SLC38A8: variants seen among roughly 807,000 people sequenced by gnomAD.
SLC38A8 encodes the protein amino acid transporter SLC38A8.
A neutral mutation model predicts 46.0 loss-of-function variants in SLC38A8; 65 were observed. That is an observed-to-expected ratio of 1.41 (90% CI 1.16 to 1.74). The LOEUF (loss-of-function observed/expected upper bound fraction) is 1.74, where lower values mean the gene tolerates loss of function less well. Ranked by LOEUF, SLC38A8 falls within the 40% of genes most tolerant of loss-of-function variation. The pLI, the probability that SLC38A8 is intolerant of heterozygous loss-of-function variation, is 0.00. For synonymous variants in SLC38A8, 447 were observed against 243.7 expected (o/e 1.83, Z -7.77); for missense variants, 998 against 567.9 (o/e 1.76, Z -7.70).
chr16:84,038,842 T>G (rs973198935), intron 2 of SLC38A8, among the ~76,000 whole-genome samples: 1 of 152,216 alleles, frequency 6.6e-6, no homozygotes, highest in African/African-American at 2.4e-5. Flanking sequence ...CACAGGCAGC[T>G]TGCTTCTGTT....
At position 84,012,989 on chromosome 16, in the gene SLC38A8, A is replaced by G. The variant is rs1403394056; in HGVS notation, c.1214+12T>C. 6.2e-7 allele frequency: 1 copy of G among 1,614,046 alleles called. No homozygotes were observed. The highest frequency in any genetic ancestry group is 2.2e-5 in the East Asian group (1 of 44,882). On this transcript the variant is annotated intron_variant, in intron 10 of 10. Transcript: ENST00000299709. ...CACACCCAGGGTGCCACCTCATCTT[A>G]GGGACACTTACTTGACTCTTGGTCC...
intron 6 of SLC38A8, among the ~76,000 whole-genome samples, chr16:84,028,343 G>C (rs1482175566): frequency 6.6e-6 from 1 of 152,088 alleles, no homozygotes; most frequent in Non-Finnish European, 1.5e-5. Context: ...CACTGTGGGA[G>C]GCCGAGGAGG....
At chr16:84,034,364 T>C (rs1271334224) in intron 3 of SLC38A8, among the ~76,000 whole-genome samples, 1 of 152,208 alleles carries the variant, frequency 6.6e-6, no homozygotes, top group Non-Finnish European at 1.5e-5. Flanking sequence ...CACCAAAGAA[T>C]GTGGGGCCAT....
chr16:84,036,950 C>A (rs1000439772), intron 2 of SLC38A8, 50 bp from the exon 3 acceptor site: 3 of 1,518,626 alleles, frequency 2.0e-6, no homozygotes, highest in Admixed American at 3.9e-5. Flanking sequence ...ACAGCCCACC[C>A]ACCCCCAGCC....
intron 2 of SLC38A8, among the ~76,000 whole-genome samples, chr16:84,037,931 C>A (rs2085320270): frequency 6.6e-6 from 1 of 151,378 alleles, no homozygotes; most frequent in South Asian, 2.1e-4. Context: ...GCCTCAACCT[C>A]CCGAGTATCT....
Position 84,033,268 on chromosome 16 carries a change from A to T in SLC38A8, c.530+60T>A, listed in dbSNP as rs796633213. On this transcript the variant is annotated intron_variant, in intron 4 of 10. Transcript: ENST00000299709. Reference sequence around the variant, plus strand: ...CTCCTCTGACCCCAGATGGACAGAAACCCTGACACAAACACTCAGCAAGGT... The same window carrying T: ...CTCCTCTGACCCCAGATGGACAGAATCCCTGACACAAACACTCAGCAAGGT... The T allele has an allele frequency of 6.3e-5, 102 of 1,610,610 alleles. 1 individual carries two copies. In the African/African-American group the frequency reaches 1.2e-3, roughly 19 times the overall value.
chr16:84,014,936 TGTTTC>T (rs59398483), intron 9 of SLC38A8, among the ~76,000 whole-genome samples: 10,969 of 152,120 alleles, frequency 0.072, 1,296 homozygotes, highest in African/African-American at 0.25. Flanking sequence ...CCCTGAACAA[TGTTTC>T]GTTTCATGCC....
At chr16:84,037,711 A>G (rs913784217) in intron 2 of SLC38A8, among the ~76,000 whole-genome samples, 24 of 151,882 alleles carry the variant, frequency 1.6e-4, no homozygotes, top group African/African-American at 5.8e-4. Flanking sequence ...CAGTGAGCCA[A>G]AATTGTACCT....
chr16:84,015,223 C>A (rs1041657234), intron 9 of SLC38A8, among the ~76,000 whole-genome samples: 2 of 152,120 alleles, frequency 1.3e-5, no homozygotes, highest in Non-Finnish European at 2.9e-5. Flanking sequence ...CCCCCCACTG[C>A]GGATCTGGAG....
rs886775410 is a variant in SLC38A8, at chr16:84,016,627, T to C, written c.1054A>G (p.Ile352Val). Residue 352 changes from isoleucine (I) to valine (V), a missense_variant, in exon 9 of 11, where the codon ATC (isoleucine) becomes GTC (valine). Transcript: ENST00000299709. ...SGLWVRMPLT[I>V]LWVTVTLAMA... ...GCGAGCGTCACGGTGACCCACAGGA[T>C]GGTCAGCGGCATCCGGACCCACAGC... 3.1e-6 allele frequency: 5 copies of C among 1,613,742 alleles called. No homozygotes were observed. The highest frequency in any genetic ancestry group is 3.4e-6 in the Non-Finnish European group (4 of 1,180,034).
intron 7 of SLC38A8, 150 bp downstream of exon 7, chr16:84,022,625 T>TA: frequency 6.4e-6 from 4 of 627,792 alleles, no homozygotes; most frequent in Middle Eastern, 5.8e-4. Context: ...ATGAGGCCTT[T>TA]TCCTATGCAC....
intron 7 of SLC38A8, among the ~76,000 whole-genome samples, chr16:84,020,951 T>G (rs75027332): frequency 0.049 from 7,533 of 152,260 alleles, 263 homozygotes; most frequent in Middle Eastern, 0.1. Flanking sequence ...CATCTTCAAG[T>G]CATTTTTTGC....
At chr16:84,019,257 G>A (rs1385299715) in intron 7 of SLC38A8, among the ~76,000 whole-genome samples, 1 of 151,896 alleles carries the variant, frequency 6.6e-6, no homozygotes, top group Non-Finnish European at 1.5e-5. Flanking sequence ...TCTGTTTTTA[G>A]TAGAAACGGG....
At chr16:84,013,427 T>G (rs1362032581) in intron 9 of SLC38A8, among the ~76,000 whole-genome samples, 1 of 96,916 alleles carries the variant, frequency 1.0e-5, no homozygotes, top group Non-Finnish European at 1.9e-5. Context: ...TGTGTGTGTT[T>G]TTTTTTTTTT....
intron 5 of SLC38A8, among the ~76,000 whole-genome samples, chr16:84,030,554 A>G (rs529194388): frequency 6.6e-6 from 1 of 151,960 alleles, no homozygotes; most frequent in East Asian, 1.9e-4. Context: ...GGTCGGCTCT[A>G]CCTTGACTGT....
At chr16:84,032,090 C>CA (rs2151125091) in intron 4 of SLC38A8, 122 bp from the exon 5 acceptor site, 4 of 816,320 alleles carry the variant, frequency 4.9e-6, no homozygotes, top group Non-Finnish European at 8.1e-6. Context: ...CCAAGCTGTC[C>CA]ACCTCTGCCT....
intron 6 of SLC38A8, among the ~76,000 whole-genome samples, chr16:84,023,989 C>G (rs891312050): frequency 6.6e-6 from 1 of 152,198 alleles, no homozygotes; most frequent in African/African-American, 2.4e-5. Context: ...GTTTCTCAGC[C>G]TTGACACGAT....
At chr16:84,028,474 A>C (rs2085192783) in intron 6 of SLC38A8, among the ~76,000 whole-genome samples, 1 of 151,430 alleles carries the variant, frequency 6.6e-6, no homozygotes, top group Non-Finnish European at 1.5e-5. Context: ...AGTCCCAGCT[A>C]CTCAGGAGGC....
At chr16:84,024,741 C>T (rs544705245) in intron 6 of SLC38A8, among the ~76,000 whole-genome samples, 1 of 152,110 alleles carries the variant, frequency 6.6e-6, no homozygotes, top group Non-Finnish European at 1.5e-5. Context: ...CCAGAATGGA[C>T]TGAAGTGGCG....
Sources: allele counts gnomAD v4.1 joint callset (sites outside exome capture counted in the v4.1 genomes callset), GRCh38; gene constraint gnomAD v4.1.1; transcripts MANE v1.5; gene names NCBI Gene and HGNC (gene_info 2026-07-23, HGNC 2026-07-21).